The following STAU1 variants were observed in gnomAD, a reference collection of about 807,000 sequenced individuals.
STAU1 encodes the protein double-stranded RNA-binding protein Staufen homolog 1.
STAU1 carries 13 observed loss-of-function variants against 62.9 expected under a neutral mutation model. That is an observed-to-expected ratio of 0.21 (90% CI 0.13 to 0.33). STAU1 has a LOEUF of 0.33. Among genes scored for constraint, STAU1 ranks in the 10% least tolerant of loss-of-function variants. STAU1 has a pLI of 1.00. For missense variants in STAU1, 571 were observed against 712.1 expected, an observed-to-expected ratio of 0.80 and a Z score of 2.25; for synonymous variants, 269 against 265.1, an observed-to-expected ratio of 1.01 and a Z score of -0.14.
chr20:49,212,957 C>A, the STAU1 span, among the ~76,000 whole-genome samples: 2 of 152,014 alleles, frequency 1.3e-5, no homozygotes, highest in East Asian at 1.9e-4. Flanking sequence ...TGGGAGCAAC[C>A]ATTTGTTGCT....
At position 49,118,001 on chromosome 20, in the gene STAU1, C is replaced by T; in HGVS notation, c.1285G>A (p.Gly429Arg). 3.7e-6 allele frequency: 6 copies of T among 1,614,208 alleles called. No homozygotes were observed. Among genetic ancestry groups the T allele is most frequent in the Non-Finnish European group, 5.1e-6 (6 of 1,180,038 alleles). ...TTGGTGTGATGTCCTTGACTAACTC[C>T]TACAGCCTGGGCGACCTCGGGCACC... ...PMVPEVAQAV[G>R]VSQGHHTKDF... The change falls in exon 11 of 14, where the codon GGA (glycine) becomes AGA (arginine). Residue 429 changes from glycine (G) to arginine (R), a missense_variant. Physicochemically the swap from Gly to Arg is moderately radical, Grantham distance 125. Coordinates refer to ENST00000371856, the MANE Select transcript of STAU1 (RefSeq NM_017453.4).
At chr20:49,186,915 G>C (rs574862252) in intron 1 of STAU1, among the ~76,000 whole-genome samples, 1 of 152,142 alleles carries the variant, frequency 6.6e-6, no homozygotes, top group African/African-American at 2.4e-5. Flanking sequence ...ACAGACTGAA[G>C]CACGTATCTT....
At chr20:49,171,539 G>A (rs960704871) in intron 2 of STAU1, among the ~76,000 whole-genome samples, 1 of 152,066 alleles carries the variant, frequency 6.6e-6, no homozygotes, top group Non-Finnish European at 1.5e-5. Context: ...CGCCTGCCTC[G>A]GCCTCCCGAA....
At chr20:49,209,575 C>T in the STAU1 span, among the ~76,000 whole-genome samples, 1 of 151,984 alleles carries the variant, frequency 6.6e-6, no homozygotes, top group Non-Finnish European at 1.5e-5. Flanking sequence ...GAAACCCTGT[C>T]ACTACTAAAA....
chr20:49,159,586 GGTCTCACTCT>G (rs1487557228), intron 3 of STAU1, among the ~76,000 whole-genome samples: 1 of 151,894 alleles, frequency 6.6e-6, no homozygotes, highest in African/African-American at 2.4e-5. Flanking sequence ...TTTGATAAAG[GGTCTCACTCT>G]GTCACCCAGG....
chr20:49,122,294 A>G (rs1229055498), intron 8 of STAU1, among the ~76,000 whole-genome samples: 1 of 152,100 alleles, frequency 6.6e-6, no homozygotes, highest in African/African-American at 2.4e-5. Flanking sequence ...TAGATTCCAG[A>G]CTCCATAAGA....
At chr20:49,125,813 A>G (rs767725698) in intron 6 of STAU1, among the ~76,000 whole-genome samples, 3 of 152,022 alleles carry the variant, frequency 2.0e-5, no homozygotes, top group Admixed American at 6.6e-5. Context: ...GCGCCACTCC[A>G]GCCTGGGTGA....
intron 1 of STAU1, among the ~76,000 whole-genome samples, chr20:49,178,751 AAAAAT>A (rs2093688816): frequency 6.7e-6 from 1 of 149,968 alleles, no homozygotes; most frequent in South Asian, 2.1e-4. Flanking sequence ...ACTCTGCTTC[AAAAAT>A]AAAATAAAAT....
chr20:49,117,261 A>C lies in STAU1; in HGVS notation c.1510-13T>G. On this transcript the variant is annotated splice_polypyrimidine_tract_variant and intron_variant, in intron 11 of 13. Transcript: ENST00000371856. This position sits in a 1 kb window ranked among gnomAD's most constrained non-coding sequence, Gnocchi z 4.6. Reference sequence around the variant, plus strand: ...CTTTGTATTCAACCTAAGGGGGAAAAGAGAGCTGAGGCTAGGTAGGGAACA... The same window carrying C: ...CTTTGTATTCAACCTAAGGGGGAAACGAGAGCTGAGGCTAGGTAGGGAACA... 1 of 1,613,802 alleles carries C rather than the reference A, an allele frequency of 6.2e-7. No homozygotes were observed. The highest frequency in any genetic ancestry group is 1.7e-4 in the Middle Eastern group (1 of 6,058).
At position 49,166,298 on chromosome 20, in the gene STAU1, A is replaced by C. The variant is rs995789151; in HGVS notation, c.-84-13T>G. On this transcript the variant is annotated splice_polypyrimidine_tract_variant and intron_variant, in intron 2 of 13. Transcript: ENST00000371856. ...TCTAAAGTTCTACCTAAAAGTTGTA[A>C]GGGAAAGAAAATAAAAAGGTAAATT... 2 of 1,091,918 alleles carry C rather than the reference A, an allele frequency of 1.8e-6. No individual in the cohort carries two copies. The highest frequency in any genetic ancestry group is 1.6e-5 in the African/African-American group (1 of 63,186). 67.6% of individuals were successfully genotyped at this position (1,091,918 alleles called of 1,614,324 possible).
chr20:49,207,722 G>A, the STAU1 span, among the ~76,000 whole-genome samples: 4 of 151,000 alleles, frequency 2.6e-5, no homozygotes, highest in African/African-American at 9.7e-5. Context: ...GGCTTTCACT[G>A]TGTTGGCCAA....
intron 1 of STAU1, among the ~76,000 whole-genome samples, chr20:49,176,250 T>C (rs1370500320): frequency 1.3e-5 from 2 of 152,222 alleles, no homozygotes; most frequent in Non-Finnish European, 1.5e-5. Flanking sequence ...TGGAAAATTT[T>C]ACCAAAAGGC....
chr20:49,204,961 T>C, the STAU1 span, among the ~76,000 whole-genome samples: 1 of 151,700 alleles, frequency 6.6e-6, no homozygotes, highest in African/African-American at 2.4e-5. Flanking sequence ...ACTCCTGGTC[T>C]TTTTCTCCAC....
At chr20:49,217,230 C>A in the STAU1 span, among the ~76,000 whole-genome samples, 1 of 151,920 alleles carries the variant, frequency 6.6e-6, no homozygotes, top group Non-Finnish European at 1.5e-5. Flanking sequence ...CACAGGAATG[C>A]GAAATAGAAC....
At chr20:49,173,312 C>G (rs6122762) in intron 2 of STAU1, among the ~76,000 whole-genome samples, 48,151 of 151,674 alleles carry the variant, frequency 0.32, 9,020 homozygotes, top group Middle Eastern at 0.47. Flanking sequence ...ACAAAATTAG[C>G]CAGGTGTGGT....
At chr20:49,210,888 A>T in the STAU1 span, among the ~76,000 whole-genome samples, 1 of 152,170 alleles carries the variant, frequency 6.6e-6, no homozygotes, top group Non-Finnish European at 1.5e-5. Flanking sequence ...ATGCAACCGT[A>T]ATCTCTATGT....
In STAU1 at chr20:49,124,595, A is replaced by G. The variant is rs2092548073; in HGVS notation, c.610-8T>C. On this transcript the variant is annotated splice_region_variant and splice_polypyrimidine_tract_variant and intron_variant, in intron 6 of 13. Transcript: ENST00000371856. ...GCCACTCTCCCGGGCCACCTGTTTC[A>G]GAGGGAAAGACTGAGTGAAAGCGGA... is the stretch of plus-strand genomic sequence containing the variant. 1 of 1,613,520 alleles carries G rather than the reference A, an allele frequency of 6.2e-7. No homozygotes were observed. Among genetic ancestry groups the G allele is most frequent in the Non-Finnish European group, 8.5e-7 (1 of 1,179,978 alleles).
intron 4 of STAU1, among the ~76,000 whole-genome samples, chr20:49,153,136 G>C (rs1017170701): frequency 1.3e-5 from 2 of 151,498 alleles, no homozygotes; most frequent in African/African-American, 2.4e-5. Flanking sequence ...TGTAGTCCCA[G>C]CTACTTGGGA....
intron 1 of STAU1, among the ~76,000 whole-genome samples, chr20:49,183,597 T>A (rs2093752560): frequency 6.6e-6 from 1 of 152,176 alleles, no homozygotes; most frequent in Non-Finnish European, 1.5e-5. Flanking sequence ...CCCCACAAAC[T>A]GAGACTACCT....
Sources: allele counts gnomAD v4.1 joint callset (sites outside exome capture counted in the v4.1 genomes callset), GRCh38; gene constraint gnomAD v4.1.1; non-coding constraint Gnocchi (gnomAD v3.1); transcripts MANE v1.5; gene names NCBI Gene and HGNC (gene_info 2026-07-23, HGNC 2026-07-21).